The following MAPK8 variants were observed in gnomAD, a reference collection of about 807,000 sequenced individuals.
MAPK8 encodes the protein JUN N-terminal kinase.
In MAPK8, 13 loss-of-function variants were observed where a neutral mutation model predicts 52.9. The observed-to-expected ratio is 0.25, with a 90% CI of 0.16 to 0.39. The LOEUF (loss-of-function observed/expected upper bound fraction) is 0.39. Ranked by LOEUF, MAPK8 falls within the 10% of genes least tolerant of loss-of-function variation. The pLI is 1.00. For missense variants in MAPK8, 300 were observed against 519.2 expected (o/e 0.58, Z 4.10); for synonymous variants, 191 against 169.8 (o/e 1.12, Z -0.97).
intron 1 of MAPK8, among the ~76,000 whole-genome samples, chr10:48,333,930 G>A (rs1182412974): frequency 6.6e-6 from 1 of 150,640 alleles, no homozygotes; most frequent in South Asian, 2.1e-4. Context: ...AAGCAGTGGA[G>A]CCTGGCGCTT....
chr10:48,380,339 C>T (rs2040923138), intron 1 of MAPK8, among the ~76,000 whole-genome samples: 1 of 152,200 alleles, frequency 6.6e-6, no homozygotes, highest in South Asian at 2.1e-4. Flanking sequence ...ATCAATACAA[C>T]TGTAACTCAA....
At chr10:48,422,774 C>T (rs943220372) in intron 6 of MAPK8, among the ~76,000 whole-genome samples, 2 of 152,042 alleles carry the variant, frequency 1.3e-5, no homozygotes, top group African/African-American at 4.8e-5. Flanking sequence ...TGAAAATATT[C>T]ATTCATTTTA....
rs1396944856 is a variant in MAPK8, at chr10:48,439,346, A to G, written c.*4317A>G. ...TTTAAATAAAAAAGAAAAAAGTGGT[A>G]TGAAAATTATGAAATTAAGAGTTTT... is the stretch of plus-strand genomic sequence containing the variant. On this transcript the variant is annotated 3_prime_UTR_variant, in exon 12 of 12. Coordinates refer to ENST00000374189, the MANE Select transcript of MAPK8 (RefSeq NM_001323329.2). 6.6e-6 allele frequency: 1 copy of G among 151,204 alleles called. No homozygotes were observed. The highest frequency in any genetic ancestry group is 2.4e-5 in the African/African-American group (1 of 40,984). The allele number at this position is 151,204 out of a possible 1,614,324, so 9.4% of individuals were successfully genotyped here.
chr10:48,407,920 T>C (rs1439685158), intron 3 of MAPK8, among the ~76,000 whole-genome samples: 1 of 152,214 alleles, frequency 6.6e-6, no homozygotes, highest in Non-Finnish European at 1.5e-5. Context: ...AAGTCTCCTA[T>C]TGTGCATTGC....
At chr10:48,340,406 G>C (rs753188119) in intron 1 of MAPK8, among the ~76,000 whole-genome samples, 50 of 152,184 alleles carry the variant, frequency 3.3e-4, no homozygotes, top group Non-Finnish European at 6.6e-4. Flanking sequence ...GAGGCTGAGG[G>C]GGTAGGGTTG....
intron 1 of MAPK8, among the ~76,000 whole-genome samples, chr10:48,310,640 T>G (rs1001169220): frequency 2.0e-5 from 3 of 152,130 alleles, no homozygotes; most frequent in African/African-American, 7.2e-5. Context: ...TATGCTCTTT[T>G]AAAAGGTATA....
intron 1 of MAPK8, among the ~76,000 whole-genome samples, chr10:48,330,022 G>C (rs1482464836): frequency 6.6e-6 from 1 of 152,060 alleles, no homozygotes; most frequent in Non-Finnish European, 1.5e-5. Context: ...TAATATTTTG[G>C]TGTACTTCTT....
At chr10:48,427,986 G>A (rs1486552378) in intron 10 of MAPK8, among the ~76,000 whole-genome samples, 2 of 152,108 alleles carry the variant, frequency 1.3e-5, no homozygotes, top group East Asian at 3.9e-4. Context: ...ATGAGAACAT[G>A]CCTGGAAGAA....
chr10:48,312,005 G>T (rs1842026627), intron 1 of MAPK8, among the ~76,000 whole-genome samples: 1 of 152,178 alleles, frequency 6.6e-6, no homozygotes, highest in Non-Finnish European at 1.5e-5. Context: ...AAGGATTAAC[G>T]TAAGCACATT....
intron 1 of MAPK8, among the ~76,000 whole-genome samples, chr10:48,315,130 T>A (rs1325507694): frequency 1.3e-5 from 2 of 152,228 alleles, no homozygotes; most frequent in East Asian, 3.8e-4. Context: ...TCTCTTCCTT[T>A]TCAGAAGTTT....
chr10:48,388,652 T>C (rs2041454842), intron 1 of MAPK8, among the ~76,000 whole-genome samples: 1 of 152,248 alleles, frequency 6.6e-6, no homozygotes, highest in Non-Finnish European at 1.5e-5. Context: ...TTCTTCAGTA[T>C]ATAATCTCAA....
At chr10:48,414,176 A>T (rs2042934679) in intron 5 of MAPK8, among the ~76,000 whole-genome samples, 1 of 151,960 alleles carries the variant, frequency 6.6e-6, no homozygotes, top group African/African-American at 2.4e-5. Context: ...ATAATATGTG[A>T]TATTTTGTGC....
chr10:48,362,131 C>G (rs1273452528), intron 1 of MAPK8, among the ~76,000 whole-genome samples: 2 of 152,114 alleles, frequency 1.3e-5, no homozygotes, highest in East Asian at 3.9e-4. Flanking sequence ...CTTTATGAAA[C>G]CTGTATGCCC....
In MAPK8 at chr10:48,436,213, T is replaced by C. The variant is rs1398152328; in HGVS notation, c.*1184T>C. ...ATATCATTTTCTAAGGACTGTTTCTTCACATTGAGCAGAGCAGGCATAAAT... is the reference window on the plus strand; with the variant it reads ...ATATCATTTTCTAAGGACTGTTTCTCCACATTGAGCAGAGCAGGCATAAAT... On this transcript the variant is annotated 3_prime_UTR_variant, in exon 12 of 12. Coordinates refer to ENST00000374189, the MANE Select transcript of MAPK8 (RefSeq NM_001323329.2). 1.3e-5 allele frequency: 2 copies of C among 152,238 alleles called. No individual in the cohort carries two copies. Among genetic ancestry groups the C allele is most frequent in the Admixed American group, 1.3e-4 (2 of 15,290 alleles). 9.4% of individuals were successfully genotyped at this position (152,238 alleles called of 1,614,324 possible).
At chr10:48,321,094 T>G (rs979400900) in intron 1 of MAPK8, among the ~76,000 whole-genome samples, 1 of 148,586 alleles carries the variant, frequency 6.7e-6, no homozygotes, top group Admixed American at 6.7e-5. Context: ...TAAGAGTTTT[T>G]TTTTTTTTTT....
At chr10:48,349,165 G>T (rs929052986) in intron 1 of MAPK8, among the ~76,000 whole-genome samples, 1 of 152,004 alleles carries the variant, frequency 6.6e-6, no homozygotes, top group African/African-American at 2.4e-5. Context: ...TTAGACCCCC[G>T]TACAATAATA....
intron 1 of MAPK8, among the ~76,000 whole-genome samples, chr10:48,392,993 C>G (rs1185645877): frequency 3.9e-5 from 6 of 152,166 alleles, no homozygotes; most frequent in Admixed American, 6.5e-5. Context: ...TTAAAACACT[C>G]TCTTCCTTTG....
chr10:48,310,357 A>G (rs1588891713), intron 1 of MAPK8, among the ~76,000 whole-genome samples: 1 of 152,326 alleles, frequency 6.6e-6, no homozygotes, highest in South Asian at 2.1e-4. Context: ...ACAGTAGTCA[A>G]AGTTAGGATT....
chr10:48,437,158 A>G lies in MAPK8; in HGVS notation c.*2129A>G, dbSNP rs2044915197. 2 of 152,238 alleles carry G rather than the reference A, an allele frequency of 1.3e-5. No individual in the cohort carries two copies. Among genetic ancestry groups the G allele is most frequent in the Non-Finnish European group, 2.9e-5 (2 of 68,040 alleles). 9.4% of individuals were successfully genotyped at this position (152,238 alleles called of 1,614,324 possible). On this transcript the variant is annotated 3_prime_UTR_variant, in exon 12 of 12. Transcript: ENST00000374189. ...CAACCATCATGTTCAGTTCAATTCA[A>G]AGAAAACAAACTCTCATTACTTAGT...
Sources: gnomAD v4.1 joint callset for allele counts (sites outside exome capture counted in the v4.1 genomes callset) on GRCh38, gnomAD v4.1.1 for gene constraint, MANE v1.5 for transcripts, NCBI Gene and HGNC (gene_info 2026-07-23, HGNC 2026-07-21) for gene names.